Variants in LCP1 observed in about 807,000 individuals in gnomAD.
LCP1 encodes the protein plastin-2.
A neutral mutation model predicts 72.0 loss-of-function variants in LCP1; 23 were observed. That is an observed-to-expected ratio of 0.32 (90% CI 0.23 to 0.45). LCP1 has a LOEUF of 0.45. LCP1 is among the 20% of genes least tolerant of loss of function. The pLI is 1.00. For missense variants in LCP1, 571 were observed against 748.3 expected (o/e 0.76, Z 2.76); for synonymous variants, 245 against 275.4 (o/e 0.89, Z 1.09).
chr13:46,155,925 A>G (rs1389049005), intron 5 of LCP1, among the ~76,000 whole-genome samples: 1 of 152,190 alleles, frequency 6.6e-6, no homozygotes, highest in Non-Finnish European at 1.5e-5. Flanking sequence ...CGCTCAGATG[A>G]AGCCAAGCAG....
At chr13:46,148,147 T>C (rs1231086172) in intron 9 of LCP1, among the ~76,000 whole-genome samples, 2 of 152,258 alleles carry the variant, frequency 1.3e-5, no homozygotes, top group Admixed American at 6.5e-5. Flanking sequence ...TTAATTACTA[T>C]TGGTTTCTTT....
intron 1 of LCP1, among the ~76,000 whole-genome samples, chr13:46,174,834 CAAAAAAAAAA>C (rs398056355): frequency 1.2e-5 from 1 of 82,306 alleles, no homozygotes; most frequent in East Asian, 3.5e-4. Context: ...ACTCCATCTT[CAAAAAAAAAA>C]AAAAAAAGAA....
rs917106162 is a variant in LCP1, at chr13:46,137,223, A to C, written c.1503-2973T>G. On this transcript the variant is annotated intron_variant, in intron 13 of 15. Transcript: ENST00000323076. Reference sequence around the variant, plus strand: ...AAGTAAAACGATAAAAAAAAAAAAAAACACAAAGAGAAGAAAGAATAGAAT... The same window carrying C: ...AAGTAAAACGATAAAAAAAAAAAAACACACAAAGAGAAGAAAGAATAGAAT... 4.4e-4 allele frequency among the ~76,000 whole-genome samples: 66 copies of C among 149,922 alleles called. 1 individual carries two copies. The highest frequency in any genetic ancestry group is 1.5e-3 in the South Asian group (7 of 4,808).
In LCP1 at chr13:46,174,834, C is replaced by CAA. The variant is rs398056355; in HGVS notation, c.-25+7275_-25+7276dup. On this transcript the variant is annotated intron_variant, in intron 1 of 15. Transcript: ENST00000323076. ...GCAACAAGAGCGAAAACTCCATCTT[C>CAA]AAAAAAAAAAAAAAAAAGAAAAAAG... Among the ~76,000 whole-genome samples, 215 of 82,224 alleles carry CAA rather than the reference C, an allele frequency of 2.6e-3. 2 individuals are homozygous for CAA. Among genetic ancestry groups the CAA allele is most frequent in the African/African-American group, 4.5e-3 (106 of 23,320 alleles). 53.9% of individuals were successfully genotyped at this position (82,224 alleles called of 152,430 possible).
intron 14 of LCP1, among the ~76,000 whole-genome samples, chr13:46,132,101 G>GCGGC (rs1555313949): frequency 1.3e-5 from 2 of 151,142 alleles, no homozygotes; most frequent in African/African-American, 4.9e-5. Context: ...AGTACATTAT[G>GCGGC]TGGCCTCTTT....
intron 13 of LCP1, among the ~76,000 whole-genome samples, chr13:46,135,995 T>A (rs1368073536): frequency 6.6e-6 from 1 of 152,006 alleles, no homozygotes; most frequent in Non-Finnish European, 1.5e-5. Context: ...CAAGGCCCTT[T>A]ACAATTTGGC....
intron 14 of LCP1, among the ~76,000 whole-genome samples, chr13:46,133,702 A>T (rs1279306418): frequency 6.6e-6 from 1 of 151,802 alleles, no homozygotes; most frequent in African/African-American, 2.4e-5. Flanking sequence ...TATAAAAATT[A>T]AAATTAAAAA....
At chr13:46,145,828 G>A (rs2045726655) in intron 10 of LCP1, among the ~76,000 whole-genome samples, 1 of 101,904 alleles carries the variant, frequency 9.8e-6, no homozygotes, top group African/African-American at 4.8e-5. Flanking sequence ...AGAATGGCGT[G>A]AACCCGGGAG....
chr13:46,137,580 A>AC (rs1291609387), intron 13 of LCP1, among the ~76,000 whole-genome samples: 1 of 152,192 alleles, frequency 6.6e-6, no homozygotes, highest in Non-Finnish European at 1.5e-5. Context: ...TAGATAGTAC[A>AC]CTAAGCAATT....
intron 15 of LCP1, among the ~76,000 whole-genome samples, chr13:46,130,001 A>T (rs1017988511): frequency 2.6e-5 from 4 of 152,218 alleles, no homozygotes; most frequent in African/African-American, 9.7e-5. Flanking sequence ...AGATGGAGGC[A>T]GAGATTGGCA....
chr13:46,148,567 A>C (rs2045744382), intron 8 of LCP1, 120 bp from the exon 9 acceptor site: 1 of 662,144 alleles, frequency 1.5e-6, no homozygotes, highest in Non-Finnish European at 2.5e-6. Context: ...CCAGAATGTA[A>C]CTTAACAAAG....
In LCP1 at chr13:46,156,446, A is replaced by T; in HGVS notation, c.483T>A (p.Ile161=). 1.2e-6 allele frequency: 2 copies of T among 1,613,764 alleles called. No homozygotes were observed. Among genetic ancestry groups the T allele is most frequent in the South Asian group, 1.1e-5 (1 of 90,926 alleles). ...NDLFNAVGDG[I]VLCKMINLSV... ...AAAGAAGTATTATTTACCAAAGGAC[A>T]ATGCCATCTCCAACAGCATTAAAGA... is the stretch of plus-strand genomic sequence containing the variant. Residue 161 remains isoleucine, a synonymous_variant, in exon 5 of 16, where the codon ATT becomes ATA. Transcript: ENST00000323076.
intron 1 of LCP1, among the ~76,000 whole-genome samples, chr13:46,163,083 C>G (rs2045854141): frequency 1.3e-5 from 2 of 151,996 alleles, no homozygotes; most frequent in African/African-American, 4.8e-5. Context: ...CCCTGCCGCC[C>G]CTTCTGAGAA....
chr13:46,165,366 C>A (rs1305963901), intron 1 of LCP1, among the ~76,000 whole-genome samples: 5 of 151,336 alleles, frequency 3.3e-5, no homozygotes, highest in African/African-American at 7.3e-5. Flanking sequence ...AGAGCGAGAC[C>A]CCATTTCAAA....
At position 46,130,902 on chromosome 13, in the gene LCP1, G is replaced by T. The variant is rs757560683; in HGVS notation, c.1663C>A (p.Leu555Ile). ...KISTSLPVLD[L>I]IDAIQPGSIN... ...GAACCTGGTTGGATGGCATCGATGA[G>T]GTCCAGAACAGGCAGACTTGTACTA... Residue 555 changes from leucine to isoleucine, a missense_variant, in exon 15 of 16, where the codon CTC becomes ATC. Leu to Ile is a conservative substitution (Grantham distance 5, BLOSUM62 2). Transcript: ENST00000323076. The T allele has an allele frequency of 6.2e-7, 1 of 1,611,704 alleles. No homozygotes were observed. The highest frequency in any genetic ancestry group is 8.5e-7 in the Non-Finnish European group (1 of 1,179,074).
chr13:46,161,628 G>A (rs1879389445), intron 1 of LCP1, among the ~76,000 whole-genome samples: 1 of 151,340 alleles, frequency 6.6e-6, no homozygotes, highest in Admixed American at 6.6e-5. Flanking sequence ...TTTTCAGAAT[G>A]CCTTTTTCCA....
At chr13:46,142,800 T>C (rs1186607264) in intron 12 of LCP1, 1 of 466,116 alleles carries the variant, frequency 2.1e-6, no homozygotes. Context: ...TCTGCACACA[T>C]AGCAAATGGA....
intron 13 of LCP1, among the ~76,000 whole-genome samples, chr13:46,139,035 G>T (rs932645755): frequency 4.6e-5 from 7 of 152,126 alleles, no homozygotes; most frequent in African/African-American, 1.7e-4. Flanking sequence ...CAACTAAAAG[G>T]ACTTTTGCTT....
intron 1 of LCP1, among the ~76,000 whole-genome samples, chr13:46,161,021 GC>G (rs1481389759): frequency 6.6e-6 from 1 of 151,938 alleles, no homozygotes; most frequent in African/African-American, 2.4e-5. Flanking sequence ...AAACCTGTAG[GC>G]CAAAAATGCA....
Sources: gnomAD v4.1 joint callset for allele counts (sites outside exome capture counted in the v4.1 genomes callset) on GRCh38, gnomAD v4.1.1 for gene constraint, MANE v1.5 for transcripts, NCBI Gene and HGNC (gene_info 2026-07-23, HGNC 2026-07-21) for gene names.